KDM2A: variants seen among roughly 807,000 people sequenced by gnomAD.
The protein encoded by KDM2A is lysine demethylase 2A, also known as lysine-specific demethylase 2A.
Under a neutral mutation model 137.3 loss-of-function variants are expected in KDM2A, and 3 were observed. That is an observed-to-expected ratio of 0.02 (90% CI 0.01 to 0.06). The LOEUF (loss-of-function observed/expected upper bound fraction) is 0.06, where lower values mean the gene tolerates loss of function less well. KDM2A is among the 10% of genes least tolerant of loss of function. The pLI, the probability that KDM2A is intolerant of heterozygous loss-of-function variation, is 1.00. For missense variants in KDM2A, 738 were observed against 1,510.6 expected (o/e 0.49, Z 8.48); for synonymous variants, 512 against 541.5 (o/e 0.95, Z 0.76).
intron 2 of KDM2A, among the ~76,000 whole-genome samples, chr11:67,171,715 CTA>C (rs1856885929): frequency 6.6e-6 from 1 of 152,222 alleles, no homozygotes; most frequent in Admixed American, 6.5e-5. Flanking sequence ...GCAAGAAAAA[CTA>C]TTTGATACAA....
chr11:67,220,730 A>T (rs1858320194), intron 10 of KDM2A, among the ~76,000 whole-genome samples: 1 of 152,210 alleles, frequency 6.6e-6, no homozygotes, highest in East Asian at 1.9e-4. Flanking sequence ...CGTGGGTCAT[A>T]AAGTGTCTAT....
intron 11 of KDM2A, among the ~76,000 whole-genome samples, chr11:67,230,969 T>G (rs187478278): frequency 3.6e-4 from 55 of 152,178 alleles, no homozygotes; most frequent in Admixed American, 6.5e-4. Flanking sequence ...TTGTTTGTTT[T>G]TTTTTGAGAC....
intron 5 of KDM2A, chr11:67,196,577 C>T (rs1220900308): frequency 2.4e-6 from 1 of 412,474 alleles, no homozygotes; most frequent in Non-Finnish European, 4.8e-6. Context: ...ATATACTACA[C>T]ATTACATGAA....
chr11:67,123,449 A>G (rs149329687), intron 2 of KDM2A, among the ~76,000 whole-genome samples: 2 of 152,152 alleles, frequency 1.3e-5, no homozygotes, highest in East Asian at 3.9e-4. Context: ...GAAATTAAGC[A>G]TATCTGTAGT....
intron 2 of KDM2A, among the ~76,000 whole-genome samples, chr11:67,160,638 G>T (rs542181108): frequency 6.6e-6 from 1 of 152,132 alleles, no homozygotes; most frequent in African/African-American, 2.4e-5. Context: ...GGGTGTAGTG[G>T]CGCATACCTA....
intron 5 of KDM2A, among the ~76,000 whole-genome samples, chr11:67,187,548 TTTTATTTATTTATTTATTTATTTA>T (rs138753050): frequency 6.8e-6 from 1 of 147,476 alleles, no homozygotes; most frequent in Non-Finnish European, 1.5e-5. Context: ...ATTTAATTGA[TTTTATTTATTTATTTATTTATTTA>T]TTTATTTATT....
chr11:67,124,187 A>G (rs1171764933), intron 2 of KDM2A, among the ~76,000 whole-genome samples: 2 of 150,914 alleles, frequency 1.3e-5, no homozygotes, highest in Non-Finnish European at 2.9e-5. Context: ...TATTTTTAGT[A>G]AAGATGGAGT....
intron 2 of KDM2A, among the ~76,000 whole-genome samples, chr11:67,149,789 C>T (rs547311317): frequency 3.4e-5 from 5 of 148,584 alleles, no homozygotes; most frequent in South Asian, 2.1e-4. Context: ...GATACGATCT[C>T]GGCTCACTGC....
intron 12 of KDM2A, among the ~76,000 whole-genome samples, chr11:67,234,020 C>T (rs980036168): frequency 6.6e-6 from 1 of 152,160 alleles, no homozygotes; most frequent in Non-Finnish European, 1.5e-5. Context: ...CACAGCTTCT[C>T]GTTTACCCAA....
At chr11:67,240,163 TC>T in intron 12 of KDM2A, 1 of 1,477,616 alleles carries the variant, frequency 6.8e-7, no homozygotes, top group East Asian at 2.5e-5. Flanking sequence ...TGCACGCTGC[TC>T]CCTCTGGGTA....
intron 2 of KDM2A, among the ~76,000 whole-genome samples, chr11:67,156,749 C>T (rs1260129667): frequency 6.7e-6 from 1 of 148,210 alleles, no homozygotes; most frequent in Non-Finnish European, 1.5e-5. Flanking sequence ...ATTAGCTGGG[C>T]ATGGTGGCAT....
intron 5 of KDM2A, among the ~76,000 whole-genome samples, chr11:67,199,862 A>G (rs1292349851): frequency 2.0e-5 from 3 of 152,220 alleles, no homozygotes; most frequent in Non-Finnish European, 4.4e-5. Context: ...TAGGATTTTC[A>G]TAGCTAGATA....
At position 67,210,607 on chromosome 11, in the gene KDM2A, T is replaced by C. The variant is rs140172352; in HGVS notation, c.486+2919T>C. 6.9e-3 allele frequency among the ~76,000 whole-genome samples: 1,048 copies of C among 152,184 alleles called. 34 individuals carry two copies. The highest frequency in any genetic ancestry group is 2.6e-3 in the Non-Finnish European group (174 of 67,972). The stretch of plus-strand genomic sequence containing the variant: ...AAGAACCTATGAGAGGGCTCAGAAA[T>C]AGAAAATTATTAAGAGAGCAGAGGC... On this transcript the variant is annotated intron_variant, in intron 6 of 20. Coordinates refer to ENST00000529006, the MANE Select transcript of KDM2A (RefSeq NM_012308.3).
At chr11:67,185,549 G>A (rs1185803860) in intron 5 of KDM2A, among the ~76,000 whole-genome samples, 2 of 151,528 alleles carry the variant, frequency 1.3e-5, no homozygotes, top group African/African-American at 4.9e-5. Context: ...AGAATTTATT[G>A]AACCCGGGAG....
intron 3 of KDM2A, among the ~76,000 whole-genome samples, 195 bp from the exon 4 acceptor site, chr11:67,181,125 G>A (rs557644195): frequency 2.6e-5 from 4 of 152,016 alleles, no homozygotes; most frequent in African/African-American, 7.2e-5. Context: ...CCCCTCAAGC[G>A]TTGCTTCTCA....
At chr11:67,134,135 A>C (rs1855920812) in intron 2 of KDM2A, among the ~76,000 whole-genome samples, 1 of 152,228 alleles carries the variant, frequency 6.6e-6, no homozygotes, top group Admixed American at 6.5e-5. Flanking sequence ...GACTGGGGGA[A>C]AGATTTTTTG....
chr11:67,254,223 C>T lies in KDM2A; in HGVS notation c.3112C>T (p.Leu1038Phe), dbSNP rs770412606. The T allele has an allele frequency of 1.9e-6, 3 of 1,613,832 alleles. No individual in the cohort carries two copies. In the African/African-American group the frequency reaches 4.0e-5, roughly 22 times the overall value. ...TACAGGTCAGGACAATCGCAGCAAG[C>T]TCCGGAACATGACCGACTTCCGGCT... Reference protein sequence around the residue: ...DKPGQDNRSKLRNMTDFRLAG... With the variant: ...DKPGQDNRSKFRNMTDFRLAG... The change falls in exon 20 of 21, where the codon CTC (leucine) becomes TTC (phenylalanine). Residue 1038 changes from leucine to phenylalanine, a missense_variant. Physicochemically the swap from Leu to Phe is conservative, Grantham distance 22. Transcript: ENST00000529006. The surrounding 1 kb of genome is among the most constrained non-coding windows in gnomAD (Gnocchi z 4.7).
chr11:67,225,899 T>C (rs1371805796), intron 10 of KDM2A, among the ~76,000 whole-genome samples: 2 of 151,980 alleles, frequency 1.3e-5, no homozygotes, highest in African/African-American at 2.4e-5. Flanking sequence ...ACCCCGTCTC[T>C]ACTAAAAACA....
Position 67,170,242 on chromosome 11 carries a change from C to T in KDM2A, c.43-9837C>T, listed in dbSNP as rs552340578. The stretch of plus-strand genomic sequence containing the variant: ...AGTTGAACAACCAGTAGTTTGTCAA[C>T]GAAAAGCTAGAATTAGAAACCAGGA... On this transcript the variant is annotated intron_variant, in intron 2 of 20. Coordinates refer to ENST00000529006, the MANE Select transcript of KDM2A (RefSeq NM_012308.3). Among the ~76,000 whole-genome samples, 17 of 151,956 alleles carry T rather than the reference C, an allele frequency of 1.1e-4. No homozygotes were observed. In the South Asian group the frequency reaches 2.1e-3, roughly 19 times the overall value.
Sources: allele counts gnomAD v4.1 joint callset (sites outside exome capture counted in the v4.1 genomes callset), GRCh38; gene constraint gnomAD v4.1.1; non-coding constraint Gnocchi (gnomAD v3.1); transcripts MANE v1.5; gene names NCBI Gene and HGNC (gene_info 2026-07-23, HGNC 2026-07-21).